Variants in MFSD2A observed in about 807,000 individuals in gnomAD.
MFSD2A encodes sodium-dependent lysophosphatidylcholine symporter 1.
MFSD2A carries 27 observed loss-of-function variants against 64.7 expected under a neutral mutation model. The observed-to-expected ratio is 0.42, with a 90% confidence interval of 0.31 to 0.58. The LOEUF (loss-of-function observed/expected upper bound fraction) is 0.58, where lower values mean the gene tolerates loss of function less well. MFSD2A is among the 20% of genes least tolerant of loss of function. The pLI is 0.18. For synonymous variants in MFSD2A, 258 were observed against 273.4 expected, an observed-to-expected ratio of 0.94 and a Z score of 0.55; for missense variants, 474 against 679.5, an observed-to-expected ratio of 0.70 and a Z score of 3.36.
chr1:39,961,320 G>GCC (rs1557632382), intron 3 of MFSD2A, among the ~76,000 whole-genome samples: 1 of 4,838 alleles, frequency 2.1e-4, no homozygotes, highest in Non-Finnish European at 4.0e-4. Flanking sequence ...TTTTCTTCCC[G>GCC]CCCCCGCCCC....
At chr1:39,962,617 C>T in intron 3 of MFSD2A, 1 of 813,832 alleles carries the variant, frequency 1.2e-6, no homozygotes, top group South Asian at 1.5e-5. Context: ...AACTCTGGTG[C>T]CTTCCGCGGA....
In MFSD2A at chr1:39,958,575, G is replaced by T. The variant is rs1250830419; in HGVS notation, c.229-126G>T. ...GCAAGTGAAGATGTGTAAGGTCCAT[G>T]TGGGAGCAGCTCAGGGTCACAAGAT... is the stretch of plus-strand genomic sequence containing the variant. On this transcript the variant is annotated intron_variant, in intron 2 of 13. Transcript: ENST00000372811. This position sits in a 1 kb window ranked among gnomAD's most constrained non-coding sequence, Gnocchi z 4.7. 7 of 1,457,932 alleles carry T rather than the reference G, an allele frequency of 4.8e-6. No homozygotes were observed. Among genetic ancestry groups the T allele is most frequent in the Non-Finnish European group, 6.7e-6 (7 of 1,042,524 alleles). The allele number at this position is 1,457,932 out of a possible 1,614,324, so 90.3% of individuals were successfully genotyped here.
chr1:39,962,621 C>CCG, intron 3 of MFSD2A: 1 of 822,974 alleles, frequency 1.2e-6, no homozygotes, highest in Middle Eastern at 3.4e-4. Flanking sequence ...CTGGTGCCTT[C>CCG]CGCGGAGGTT....
intron 3 of MFSD2A, among the ~76,000 whole-genome samples, chr1:39,962,298 A>G (rs1349040057): frequency 6.6e-6 from 1 of 151,514 alleles, no homozygotes; most frequent in African/African-American, 2.4e-5. Context: ...TAAAAGGCCA[A>G]CTCCCTCCTC....
Position 39,966,673 on chromosome 1 carries a change from G to T in MFSD2A, c.787G>T (p.Gly263Cys), listed in dbSNP as rs1412370859. Residue 263 changes from glycine to cysteine, a missense_variant, in exon 7 of 14, where the codon GGC becomes TGC. By Grantham distance (159) the Gly-to-Cys change is radical (BLOSUM62 -3). Transcript: ENST00000372811. ...AATCTGTGCTGTCATCCTGATCCTG[G>T]GCGTGCGGGAGCAGAGAGGTAAGGG... ...YIICAVILIL[G>C]VREQREPYEA... The T allele has an allele frequency of 3.1e-6, 5 of 1,613,898 alleles. No individual in the cohort carries two copies. Among genetic ancestry groups the T allele is most frequent in the Non-Finnish European group, 4.2e-6 (5 of 1,179,990 alleles).
intron 9 of MFSD2A, 182 bp downstream of exon 9, chr1:39,967,351 G>C: frequency 1.5e-6 from 1 of 648,640 alleles, no homozygotes; most frequent in Non-Finnish European, 2.7e-6. Context: ...AAGAGTTTGA[G>C]GTTAGATGTT....
rs1294137752 is a variant in MFSD2A at position 39,955,663 on chromosome 1, A to G, written c.93+278A>G. ...TCCCCGCTCTGCCTAGCCGGTTTCCATTCTTCCGTGTTGAGCGGCTGGGGC... is the reference window on the plus strand; with the variant it reads ...TCCCCGCTCTGCCTAGCCGGTTTCCGTTCTTCCGTGTTGAGCGGCTGGGGC... On this transcript the variant is annotated intron_variant, in intron 1 of 13. Transcript: ENST00000372811. The surrounding 1 kb of genome is among the most constrained non-coding windows in gnomAD (Gnocchi z 5.9). 1 of 653,670 alleles carries G rather than the reference A, an allele frequency of 1.5e-6. No homozygotes were observed. Among genetic ancestry groups the G allele is most frequent in the Admixed American group, 2.1e-5 (1 of 48,198 alleles). The allele number at this position is 653,670 out of a possible 1,614,324, so 40.5% of individuals were successfully genotyped here.
At position 39,965,186 on chromosome 1, in the gene MFSD2A, C is replaced by T. The variant is rs762384592; in HGVS notation, c.354-25C>T. 10 of 1,613,682 alleles carry T rather than the reference C, an allele frequency of 6.2e-6. No homozygotes were observed. The highest frequency in any genetic ancestry group is 4.0e-5 in the African/African-American group (3 of 75,010). ...GGTCCTGGGCTCCAGCCTCCAGCCT[C>T]CACTCACACCCTCCTCTTCCTCAGG... On this transcript the variant is annotated intron_variant, in intron 3 of 13. Coordinates refer to ENST00000372811, the MANE Select transcript of MFSD2A (RefSeq NM_032793.5). This position sits in a 1 kb window ranked among gnomAD's most constrained non-coding sequence, Gnocchi z 5.5.
In MFSD2A at chr1:39,957,224, GAGTGGTCTA is replaced by G; in HGVS notation, c.228+6_228+14del. 1 of 1,586,406 alleles carries G rather than the reference GAGTGGTCTA, an allele frequency of 6.3e-7. No individual in the cohort carries two copies. Among genetic ancestry groups the G allele is most frequent in the Non-Finnish European group, 8.6e-7 (1 of 1,165,676 alleles). ...TCTACCTATTGGATGTGGCTCAGGT[GAGTGGTCTA>G]AGCCTTCGAGGGCTCCTTCAGCATC... On this transcript the variant is annotated splice_donor_5th_base_variant and intron_variant, in intron 2 of 13. Transcript: ENST00000372811.
At chr1:39,967,998 C>T in intron 11 of MFSD2A, 82 bp downstream of exon 11, 1 of 847,218 alleles carries the variant, frequency 1.2e-6, no homozygotes, top group East Asian at 2.5e-5. Flanking sequence ...GAGTTCTATG[C>T]AGTGTTCTCC....
In MFSD2A at chr1:39,967,913, C is replaced by A. The variant is rs571640983; in HGVS notation, c.1205C>A (p.Pro402His). ...GISVAAAFLL[P>H]WSMLPDVIDD... ...AGTGTGGCAGCTGCCTTCTTACTACCCTGGTAGGTATATACAGGCCCCCCT... is the reference window on the plus strand; with the variant it reads ...AGTGTGGCAGCTGCCTTCTTACTACACTGGTAGGTATATACAGGCCCCCCT... Residue 402 changes from proline to histidine, a missense_variant, in exon 11 of 14, where the codon CCC becomes CAC. Transcript: ENST00000372811. 1 of 1,603,982 alleles carries A rather than the reference C, an allele frequency of 6.2e-7. No individual in the cohort carries two copies.
chr1:39,966,396 T>C (rs1307949524), intron 6 of MFSD2A, among the ~76,000 whole-genome samples: 3 of 152,094 alleles, frequency 2.0e-5, no homozygotes, highest in African/African-American at 7.2e-5. Flanking sequence ...ACCAGCCTGG[T>C]TTCTGAGCAT....
rs773393269 is a variant in MFSD2A at position 39,968,755 on chromosome 1, G to A, written c.1529+10G>A. ...CCCTGCAGGCACTGAGGTGAGTGGG[G>A]AGGGGACAGGATGCTGGAGGAGGGG... On this transcript the variant is annotated intron_variant, in intron 13 of 13. Transcript: ENST00000372811. The surrounding 1 kb of genome is among the most constrained non-coding windows in gnomAD (Gnocchi z 4.4). 3.2e-5 allele frequency: 51 copies of A among 1,613,762 alleles called. No individual in the cohort carries two copies. Among genetic ancestry groups the A allele is most frequent in the Non-Finnish European group, 2.3e-5 (27 of 1,179,974 alleles).
Position 39,958,863 on chromosome 1 carries a change from G to C in MFSD2A, c.353+38G>C, listed in dbSNP as rs751301841. 6.5e-7 allele frequency: 1 copy of C among 1,549,832 alleles called. No homozygotes were observed. The highest frequency in any genetic ancestry group is 8.7e-7 in the Non-Finnish European group (1 of 1,147,406). On this transcript the variant is annotated intron_variant, in intron 3 of 13. Coordinates refer to ENST00000372811, the MANE Select transcript of MFSD2A (RefSeq NM_032793.5). The surrounding 1 kb of genome is among the most constrained non-coding windows in gnomAD (Gnocchi z 4.7). ...TGCCCCTTCGAGGTGGCACAAGGCA[G>C]GACTTCCAGCATATCTGCTCCTTGG...
At position 39,969,796 on chromosome 1, in the gene MFSD2A, A is replaced by G. The variant is rs1645243624; in HGVS notation, c.*228A>G. Reference sequence around the variant, plus strand: ...AAGCCCTGGGGCTGCCACTGTGAATATGCCAAGGACTGATCGGGCCTAGCC... The same window carrying G: ...AAGCCCTGGGGCTGCCACTGTGAATGTGCCAAGGACTGATCGGGCCTAGCC... On this transcript the variant is annotated 3_prime_UTR_variant, in exon 14 of 14. Coordinates refer to ENST00000372811, the MANE Select transcript of MFSD2A (RefSeq NM_032793.5). The G allele has an allele frequency of 7.1e-6, 4 of 566,744 alleles. No individual in the cohort carries two copies. 35.1% of individuals were successfully genotyped at this position (566,744 alleles called of 1,614,324 possible).
rs1398860811 is a variant in MFSD2A, at chr1:39,964,715, GTGTGTGTGTGAATGA to G, written c.354-480_354-466del. On this transcript the variant is annotated intron_variant, in intron 3 of 13. Coordinates refer to ENST00000372811, the MANE Select transcript of MFSD2A (RefSeq NM_032793.5). This position sits in a 1 kb window ranked among gnomAD's most constrained non-coding sequence, Gnocchi z 4.1. Reference sequence around the variant, plus strand: ...GAATGGGGGTGTGTGTGAATGGGGTGTGTGTGTGTGAATGATGTGTGTGTGAATGAGGTGTGTGTG... The same window carrying G: ...GAATGGGGGTGTGTGTGAATGGGGTGTGTGTGTGTGAATGAGGTGTGTGTG... 8.2e-4 allele frequency: 135 copies of G among 164,912 alleles called. No individual in the cohort carries two copies. Among genetic ancestry groups the G allele is most frequent in the Non-Finnish European group, 1.2e-3 (88 of 75,586 alleles). 10.2% of individuals were successfully genotyped at this position (164,912 alleles called of 1,614,324 possible). A position where few individuals can be genotyped will look rare whatever the true frequency, so the allele number is the denominator to read the frequency against.
At chr1:39,967,035 C>T in intron 8 of MFSD2A, 51 bp from the exon 9 acceptor site, 1 of 1,611,030 alleles carries the variant, frequency 6.2e-7, no homozygotes, top group South Asian at 1.1e-5. Flanking sequence ...GGCTCAGCCC[C>T]AACATCACCT....
In MFSD2A at chr1:39,963,228, G is replaced by C. The variant is rs947677547; in HGVS notation, c.354-1983G>C. 3 of 1,575,946 alleles carry C rather than the reference G, an allele frequency of 1.9e-6. No homozygotes were observed. The African/African-American group carries it at 4.0e-5, about 21-fold the overall frequency. ...CGATGACTGCTACACCTCAGCCCGG[G>C]GCTGCACTGCCACCCTGGGCAGCTT... On this transcript the variant is annotated intron_variant, in intron 3 of 13. Coordinates refer to ENST00000372811, the MANE Select transcript of MFSD2A (RefSeq NM_032793.5). This position sits in a 1 kb window ranked among gnomAD's most constrained non-coding sequence, Gnocchi z 4.2.
rs1645146579 is a variant in MFSD2A at position 39,965,731 on chromosome 1, G to A, written c.557-126G>A. The A allele has an allele frequency of 1.4e-5, 18 of 1,311,750 alleles. No individual in the cohort carries two copies. Among genetic ancestry groups the A allele is most frequent in the Non-Finnish European group, 1.7e-5 (16 of 936,784 alleles). The allele number at this position is 1,311,750 out of a possible 1,614,324, so 81.3% of individuals were successfully genotyped here. ...GGTGCATATGCGTTCAAACCAAGGT[G>A]TCACCTACCCCACTACCTCTACCCA... On this transcript the variant is annotated intron_variant, in intron 5 of 13. Coordinates refer to ENST00000372811, the MANE Select transcript of MFSD2A (RefSeq NM_032793.5). This position sits in a 1 kb window ranked among gnomAD's most constrained non-coding sequence, Gnocchi z 5.5.
Sources: allele counts gnomAD v4.1 joint callset (sites outside exome capture counted in the v4.1 genomes callset), GRCh38; gene constraint gnomAD v4.1.1; non-coding constraint Gnocchi (gnomAD v3.1); transcripts MANE v1.5; gene names NCBI Gene and HGNC (gene_info 2026-07-23, HGNC 2026-07-21).